Variants in MEOX2 observed in about 807,000 individuals in gnomAD.
The protein encoded by MEOX2 is homeobox protein MOX-2.
Under a neutral mutation model 27.0 loss-of-function variants are expected in MEOX2, and 11 were observed. The observed-to-expected ratio is 0.41, with a 90% CI of 0.26 to 0.68. The LOEUF (loss-of-function observed/expected upper bound fraction) is 0.68. Ranked by LOEUF, MEOX2 falls within the 30% of genes least tolerant of loss-of-function variation. MEOX2 has a pLI of 0.33. For synonymous variants in MEOX2, 189 were observed against 155.4 expected, an observed-to-expected ratio of 1.22 and a Z score of -1.61; for missense variants, 436 against 385.4, an observed-to-expected ratio of 1.13 and a Z score of -1.10.
chr7:15,628,744 G>A (rs1781355568), intron 1 of MEOX2, among the ~76,000 whole-genome samples: 1 of 152,066 alleles, frequency 6.6e-6, no homozygotes, highest in Non-Finnish European at 1.5e-5. Flanking sequence ...TCATCCAATT[G>A]CCTCTAGCTA....
chr7:15,624,035 A>G (rs1044968487), intron 2 of MEOX2, among the ~76,000 whole-genome samples: 1 of 152,262 alleles, frequency 6.6e-6, no homozygotes, highest in South Asian at 2.1e-4. Flanking sequence ...CATACCCATT[A>G]TGATATACAA....
intron 1 of MEOX2, among the ~76,000 whole-genome samples, chr7:15,675,631 T>C (rs1208587374): frequency 1.3e-5 from 2 of 152,208 alleles, no homozygotes; most frequent in African/African-American, 2.4e-5. Flanking sequence ...AATACATTCA[T>C]TGAACTGGGT....
intron 2 of MEOX2, among the ~76,000 whole-genome samples, chr7:15,619,882 G>A (rs1241429633): frequency 2.6e-5 from 4 of 151,864 alleles, no homozygotes; most frequent in Non-Finnish European, 5.9e-5. Flanking sequence ...CTTTATACAG[G>A]TAATATTTCT....
intron 1 of MEOX2, among the ~76,000 whole-genome samples, chr7:15,659,489 G>A (rs926985357): frequency 2.0e-5 from 3 of 151,968 alleles, no homozygotes; most frequent in African/African-American, 7.2e-5. Flanking sequence ...GGCCCGGCGC[G>A]GTGGCTCACG....
chr7:15,628,279 T>G (rs2115361470), intron 1 of MEOX2, among the ~76,000 whole-genome samples: 1 of 152,248 alleles, frequency 6.6e-6, no homozygotes, highest in Middle Eastern at 3.4e-3. Flanking sequence ...ATAATGGAAA[T>G]TCACTAGACA....
At chr7:15,682,932 T>A (rs1366840022) in intron 1 of MEOX2, among the ~76,000 whole-genome samples, 1 of 152,006 alleles carries the variant, frequency 6.6e-6, no homozygotes, top group African/African-American at 2.4e-5. Context: ...TATAATGGTG[T>A]GTTTTTCTAT....
At chr7:15,678,911 T>C (rs1307127242) in intron 1 of MEOX2, 5 of 152,128 alleles carry the variant, frequency 3.3e-5, no homozygotes, top group Admixed American at 2.0e-4. Flanking sequence ...TTTTTCCTTG[T>C]AGCATTATGG....
intron 1 of MEOX2, among the ~76,000 whole-genome samples, chr7:15,658,450 C>T (rs1201941994): frequency 6.6e-6 from 1 of 152,126 alleles, no homozygotes; most frequent in Non-Finnish European, 1.5e-5. Context: ...CTAAAAACAG[C>T]AAACATCTGT....
intron 1 of MEOX2, among the ~76,000 whole-genome samples, chr7:15,672,912 G>GA (rs1782127122): frequency 6.7e-6 from 1 of 149,780 alleles, no homozygotes; most frequent in African/African-American, 2.5e-5. Context: ...AAAAGAAAAA[G>GA]AAAAAAGAAA....
At chr7:15,662,963 C>T (rs1781939761) in intron 1 of MEOX2, among the ~76,000 whole-genome samples, 1 of 152,104 alleles carries the variant, frequency 6.6e-6, no homozygotes, top group Non-Finnish European at 1.5e-5. Context: ...ACAGAAGCCC[C>T]ACAATTAAGA....
rs140542293 is a variant in MEOX2 at position 15,678,529 on chromosome 7, C to T, written c.517+7357G>A. Among the ~76,000 whole-genome samples, 1,313 of 152,216 alleles carry T rather than the reference C, an allele frequency of 8.6e-3. 11 individuals carry two copies. The highest frequency in any genetic ancestry group is 0.031 in the Middle Eastern group (9 of 294). ...TTGTTAATTTGATAAGAGGCATGCC[C>T]ATTTAATCTTTTCAACTAATAAGAA... On this transcript the variant is annotated intron_variant, in intron 1 of 2. Coordinates refer to ENST00000262041, the MANE Select transcript of MEOX2 (RefSeq NM_005924.5).
intron 1 of MEOX2, among the ~76,000 whole-genome samples, chr7:15,657,536 T>C (rs1781843254): frequency 6.6e-6 from 1 of 152,206 alleles, no homozygotes; most frequent in African/African-American, 2.4e-5. Context: ...TTCCACTTGG[T>C]TCTCCTTTAT....
intron 1 of MEOX2, chr7:15,680,008 C>T (rs1010217953): frequency 2.0e-5 from 3 of 151,590 alleles, no homozygotes; most frequent in African/African-American, 7.3e-5. Context: ...TTTCTGTACA[C>T]AAAGTAACAT....
chr7:15,641,787 A>G (rs187164816), intron 1 of MEOX2, among the ~76,000 whole-genome samples: 1 of 152,116 alleles, frequency 6.6e-6, no homozygotes, highest in East Asian at 1.9e-4. Context: ...TCCCTTGAGC[A>G]TTTCTTGAAG....
At chr7:15,620,731 A>T (rs189978019) in intron 2 of MEOX2, among the ~76,000 whole-genome samples, 1 of 152,352 alleles carries the variant, frequency 6.6e-6, no homozygotes, top group Admixed American at 6.5e-5. Flanking sequence ...AAAACAAAAC[A>T]TAATCCCTCT....
intron 1 of MEOX2, among the ~76,000 whole-genome samples, chr7:15,663,527 G>A (rs1053662260): frequency 6.6e-6 from 1 of 151,366 alleles, no homozygotes; most frequent in African/African-American, 2.4e-5. Context: ...TTTCAGTAGA[G>A]ATGGGGCTTC....
At chr7:15,655,772 T>C (rs1781809995) in intron 1 of MEOX2, among the ~76,000 whole-genome samples, 1 of 151,768 alleles carries the variant, frequency 6.6e-6, no homozygotes, top group Non-Finnish European at 1.5e-5. Flanking sequence ...ATAGTTCAGG[T>C]TATGGTGTAC....
chr7:15,678,049 C>G (rs1211093753), intron 1 of MEOX2, among the ~76,000 whole-genome samples: 6 of 152,126 alleles, frequency 3.9e-5, no homozygotes, highest in Non-Finnish European at 8.8e-5. Flanking sequence ...ATCTTAGAAA[C>G]ATGGGTGGCA....
rs1233522258 is a variant in MEOX2, at chr7:15,612,019, G to A, written c.*368C>T. ...CACACATCTGGAATGTTCAATGCAA[G>A]TTCATCCTCGGCATCTTCACTCTGG... On this transcript the variant is annotated 3_prime_UTR_variant, in exon 3 of 3. Coordinates refer to ENST00000262041, the MANE Select transcript of MEOX2 (RefSeq NM_005924.5). 3 of 251,348 alleles carry A rather than the reference G, an allele frequency of 1.2e-5. No homozygotes were observed. Among genetic ancestry groups the A allele is most frequent in the East Asian group, 1.7e-4 (2 of 11,464 alleles). The allele number at this position is 251,348 out of a possible 1,614,324, so 15.6% of individuals were successfully genotyped here.
Sources: gnomAD v4.1 joint callset for allele counts (sites outside exome capture counted in the v4.1 genomes callset) on GRCh38, gnomAD v4.1.1 for gene constraint, MANE v1.5 for transcripts, NCBI Gene and HGNC (gene_info 2026-07-23, HGNC 2026-07-21) for gene names.